The following GPC6 variants were observed in gnomAD, a reference collection of about 807,000 sequenced individuals.
The protein encoded by GPC6 is glypican-6.
In GPC6, 14 loss-of-function variants were observed where a neutral mutation model predicts 55.2. The ratio of observed to expected loss-of-function variants is 0.25; its 90% CI spans 0.17 to 0.40. The LOEUF is 0.40. GPC6 is among the 10% of genes least tolerant of loss of function. The probability of loss-of-function intolerance (pLI) is 1.00; values close to 1 mark genes in which losing one functional copy is unlikely to be tolerated. For missense variants in GPC6, 641 were observed against 708.5 expected (o/e 0.90, Z 1.08); for synonymous variants, 278 against 259.6 (o/e 1.07, Z -0.68).
Position 93,723,250 on chromosome 13 carries a change from A to C in GPC6, c.320-106904A>C, listed in dbSNP as rs543108174. The stretch of plus-strand genomic sequence containing the variant: ...CTGATGAAGATGAGAACATATTTGC[A>C]GAAAGCCAGCCTTTGTTCTGGAGCA... On this transcript the variant is annotated intron_variant, in intron 2 of 8. Transcript: ENST00000377047. Among the ~76,000 whole-genome samples, 6 of 152,076 alleles carry C rather than the reference A, an allele frequency of 3.9e-5. No individual in the cohort carries two copies. In the South Asian group the frequency reaches 1.2e-3, roughly 32 times the overall value.
intron 4 of GPC6, among the ~76,000 whole-genome samples, chr13:94,136,169 T>C (rs934948958): frequency 6.6e-6 from 1 of 151,420 alleles, no homozygotes; most frequent in African/African-American, 2.4e-5. Context: ...ATTCTTTAAC[T>C]TGAATAAGTT....
chr13:93,481,777 C>G (rs1440023912), intron 1 of GPC6, among the ~76,000 whole-genome samples: 5 of 152,098 alleles, frequency 3.3e-5, no homozygotes, highest in Admixed American at 2.6e-4. Flanking sequence ...CTATTATTGT[C>G]TGTTTATGCT....
chr13:93,339,378 A>T (rs79195053), intron 1 of GPC6, among the ~76,000 whole-genome samples: 4 of 62,388 alleles, frequency 6.4e-5, no homozygotes, highest in Admixed American at 1.5e-4. Flanking sequence ...ATCATCTATT[A>T]AAAAAAAAAA....
chr13:94,026,100 C>G (rs1176116657), intron 3 of GPC6, among the ~76,000 whole-genome samples: 1 of 152,102 alleles, frequency 6.6e-6, no homozygotes, highest in Non-Finnish European at 1.5e-5. Flanking sequence ...TGTTTGAAAA[C>G]TTTCATAAAA....
intron 2 of GPC6, among the ~76,000 whole-genome samples, chr13:93,627,938 G>A (rs1410299364): frequency 6.6e-6 from 1 of 152,076 alleles, no homozygotes; most frequent in Non-Finnish European, 1.5e-5. Context: ...TTGTAGTAGG[G>A]ATCATTTTAA....
chr13:94,026,096 A>C (rs904856112), intron 3 of GPC6, among the ~76,000 whole-genome samples: 9 of 152,206 alleles, frequency 5.9e-5, no homozygotes, highest in African/African-American at 2.2e-4. Flanking sequence ...TGCATGTTTG[A>C]AAACTTTCAT....
chr13:93,996,450 T>C (rs1881560813), intron 3 of GPC6, among the ~76,000 whole-genome samples: 1 of 152,170 alleles, frequency 6.6e-6, no homozygotes, highest in Admixed American at 6.6e-5. Flanking sequence ...ATGGCCTTCC[T>C]TTGTAGGCAA....
At chr13:94,181,633 GTCTAT>G (rs2138947588) in intron 4 of GPC6, among the ~76,000 whole-genome samples, 1 of 152,292 alleles carries the variant, frequency 6.6e-6, no homozygotes, top group Admixed American at 6.5e-5. Context: ...AGCAAAATGT[GTCTAT>G]CTCTGAACTC....
intron 1 of GPC6, among the ~76,000 whole-genome samples, chr13:93,505,939 T>TA (rs1566393885): frequency 1.3e-5 from 2 of 152,214 alleles, no homozygotes; most frequent in African/African-American, 4.8e-5. Context: ...GTATCTATTA[T>TA]AAAATAGACT....
At chr13:93,819,403 A>T (rs1392852321) in intron 2 of GPC6, among the ~76,000 whole-genome samples, 2 of 152,126 alleles carry the variant, frequency 1.3e-5, no homozygotes, top group Non-Finnish European at 2.9e-5. Context: ...TACCATCATG[A>T]TTTGGAAACC....
At chr13:93,500,025 T>G (rs953415096) in intron 1 of GPC6, among the ~76,000 whole-genome samples, 3 of 152,190 alleles carry the variant, frequency 2.0e-5, no homozygotes, top group Non-Finnish European at 4.4e-5. Context: ...CCGTGGAAAG[T>G]CATCACTCTT....
intron 6 of GPC6, among the ~76,000 whole-genome samples, chr13:94,369,182 A>G (rs1419430534): frequency 1.3e-5 from 2 of 152,202 alleles, no homozygotes; most frequent in African/African-American, 4.8e-5. Context: ...TTATATTTTC[A>G]TAGTGATGAA....
chr13:93,395,156 T>C (rs1875796585), intron 1 of GPC6: 1 of 276,796 alleles, frequency 3.6e-6, no homozygotes, highest in Non-Finnish European at 7.1e-6. Context: ...ACTACTACCA[T>C]ATCCACCACC....
At chr13:93,431,184 CTT>C (rs1276465768) in intron 1 of GPC6, among the ~76,000 whole-genome samples, 1 of 152,058 alleles carries the variant, frequency 6.6e-6, no homozygotes, top group Non-Finnish European at 1.5e-5. Flanking sequence ...AAACTAAACA[CTT>C]TTATAATTAT....
At chr13:93,758,146 C>T (rs980071025) in intron 2 of GPC6, among the ~76,000 whole-genome samples, 2 of 152,178 alleles carry the variant, frequency 1.3e-5, no homozygotes, top group Non-Finnish European at 2.9e-5. Context: ...CCAATCTGCT[C>T]ACATTGCATT....
intron 3 of GPC6, among the ~76,000 whole-genome samples, chr13:93,906,517 A>G (rs1053993983): frequency 6.6e-6 from 1 of 152,200 alleles, no homozygotes; most frequent in South Asian, 2.1e-4. Context: ...TAAGATTATC[A>G]TTATACATGA....
chr13:93,602,159 T>C (rs1878043844), intron 2 of GPC6, among the ~76,000 whole-genome samples: 1 of 152,218 alleles, frequency 6.6e-6, no homozygotes, highest in African/African-American at 2.4e-5. Flanking sequence ...ATCATGATTA[T>C]ACTCCTAGTC....
intron 6 of GPC6, among the ~76,000 whole-genome samples, chr13:94,365,754 G>A (rs138429822): frequency 7.6e-4 from 116 of 152,252 alleles, no homozygotes; most frequent in African/African-American, 2.2e-3. Context: ...AATATCTTAC[G>A]TAAGATAAGT....
intron 2 of GPC6, among the ~76,000 whole-genome samples, chr13:93,574,733 T>A (rs1015351859): frequency 6.6e-6 from 1 of 152,188 alleles, no homozygotes; most frequent in Non-Finnish European, 1.5e-5. Flanking sequence ...ATGCCCATTA[T>A]ACTCCACTGC....
Sources: gnomAD v4.1 joint callset for allele counts (sites outside exome capture counted in the v4.1 genomes callset) on GRCh38, gnomAD v4.1.1 for gene constraint, MANE v1.5 for transcripts, NCBI Gene and HGNC (gene_info 2026-07-23, HGNC 2026-07-21) for gene names.